Variants in PIBF1 observed in about 807,000 individuals in gnomAD.
PIBF1 encodes the protein progesterone-induced-blocking factor 1.
A neutral mutation model predicts 112.5 loss-of-function variants in PIBF1; 90 were observed. The observed-to-expected ratio is 0.80, with a 90% CI of 0.67 to 0.95. The LOEUF (loss-of-function observed/expected upper bound fraction) is 0.95. PIBF1 is among the 40% of genes least tolerant of loss of function. The pLI is 0.00. For missense variants in PIBF1, 915 were observed against 852.3 expected, an observed-to-expected ratio of 1.07 and a Z score of -0.92; for synonymous variants, 301 against 288.6, an observed-to-expected ratio of 1.04 and a Z score of -0.44.
At chr13:72,893,213 G>A (rs1399881252) in intron 10 of PIBF1, among the ~76,000 whole-genome samples, 1 of 152,102 alleles carries the variant, frequency 6.6e-6, no homozygotes, top group Non-Finnish European at 1.5e-5. Flanking sequence ...TATACCTATG[G>A]AATGAAGAGA....
intron 10 of PIBF1, among the ~76,000 whole-genome samples, chr13:72,860,311 GTGTGTGTGTGT>G (rs1566370279): frequency 2.8e-3 from 55 of 19,836 alleles, no homozygotes; most frequent in African/African-American, 0.024. Context: ...TTTTAGGGGT[GTGTGTGTGTGT>G]GTGTGTGTGT....
chr13:72,867,846 C>T (rs78277134), intron 10 of PIBF1, among the ~76,000 whole-genome samples: 1,797 of 152,242 alleles, frequency 0.012, 34 homozygotes, highest in African/African-American at 0.041. Flanking sequence ...ATTAGACAGT[C>T]GCATATCTAT....
chr13:72,883,787 C>T (rs2039736897), intron 10 of PIBF1, among the ~76,000 whole-genome samples: 1 of 152,164 alleles, frequency 6.6e-6, no homozygotes, highest in Admixed American at 6.5e-5. Context: ...CACGCCTGGC[C>T]TAATTGTACA....
In PIBF1 at chr13:72,893,847, A is replaced by G; in HGVS notation, c.1386A>G (p.Leu462=). The G allele has an allele frequency of 1.2e-6, 2 of 1,606,564 alleles. No homozygotes were observed. The highest frequency in any genetic ancestry group is 1.7e-6 in the Non-Finnish European group (2 of 1,175,940). The part of the protein sequence containing the change: ...KVTEFLHQSK[L]KSFESERVQL... ...CAGAATTTCTCCATCAAAGTAAATT[A>G]AAATCTTTTGAAAGTGAGCGTGTTC... Residue 462 remains leucine, a synonymous_variant, in exon 11 of 18, where the codon TTA becomes TTG. Coordinates refer to ENST00000326291, the MANE Select transcript of PIBF1 (RefSeq NM_006346.4).
chr13:72,826,979 T>A, intron 6 of PIBF1, 31 bp from the exon 7 acceptor site: 1 of 1,383,672 alleles, frequency 7.2e-7, no homozygotes, highest in Non-Finnish European at 1.0e-6. Flanking sequence ...GATGTAAAAT[T>A]TACATGTCTC....
At chr13:72,968,864 G>A (rs962510034) in intron 15 of PIBF1, among the ~76,000 whole-genome samples, 22 of 151,762 alleles carry the variant, frequency 1.4e-4, no homozygotes, top group African/African-American at 5.3e-4. Flanking sequence ...ACCATGTTTG[G>A]TTTTGTCTCT....
In PIBF1 at chr13:72,973,695, A is replaced by G. The variant is rs745803416; in HGVS notation, c.2049+20A>G. On this transcript the variant is annotated intron_variant, in intron 16 of 17. Coordinates refer to ENST00000326291, the MANE Select transcript of PIBF1 (RefSeq NM_006346.4). Reference sequence around the variant, plus strand: ...CGTGAGGTATTTTTCCTATTTTGTCATAATTGTAATCATTTTAGGCTTTTT... The same window carrying G: ...CGTGAGGTATTTTTCCTATTTTGTCGTAATTGTAATCATTTTAGGCTTTTT... The G allele has an allele frequency of 1.1e-5, 15 of 1,351,968 alleles. No homozygotes were observed. The East Asian group carries it at 3.1e-4, about 28-fold the overall frequency. The allele number at this position is 1,351,968 out of a possible 1,614,324, so 83.7% of individuals were successfully genotyped here. A position where few individuals can be genotyped will look rare whatever the true frequency, so the allele number is the denominator to read the frequency against.
intron 16 of PIBF1, among the ~76,000 whole-genome samples, chr13:72,989,899 T>C (rs76442668): frequency 0.014 from 2,108 of 152,098 alleles, 68 homozygotes; most frequent in African/African-American, 0.048. Flanking sequence ...CATTGAAAAT[T>C]TCCGTCATAA....
At chr13:72,833,771 A>G (rs902306817) in intron 8 of PIBF1, among the ~76,000 whole-genome samples, 2 of 152,186 alleles carry the variant, frequency 1.3e-5, no homozygotes, top group Non-Finnish European at 2.9e-5. Flanking sequence ...GCAGAGTTCA[A>G]ACGCTGTGCT....
At chr13:72,921,752 G>A (rs1254203101) in intron 13 of PIBF1, among the ~76,000 whole-genome samples, 3 of 152,094 alleles carry the variant, frequency 2.0e-5, no homozygotes, top group Admixed American at 6.5e-5. Context: ...ATGAGAAAAT[G>A]GATGTGAAGT....
chr13:72,812,772 C>T (rs1009662799), intron 5 of PIBF1, among the ~76,000 whole-genome samples: 17 of 151,040 alleles, frequency 1.1e-4, no homozygotes, highest in African/African-American at 3.9e-4. Context: ...GAGACCCTGT[C>T]TCAAAAAACT....
chr13:72,832,986 A>G (rs2037192256), intron 8 of PIBF1, among the ~76,000 whole-genome samples: 1 of 152,062 alleles, frequency 6.6e-6, no homozygotes, highest in South Asian at 2.1e-4. Flanking sequence ...TTTGTCTCTA[A>G]TCTTGTCTTC....
At chr13:72,826,798 G>T (rs2036832041) in intron 6 of PIBF1, among the ~76,000 whole-genome samples, 1 of 152,050 alleles carries the variant, frequency 6.6e-6, no homozygotes, top group African/African-American at 2.4e-5. Context: ...TTCCTTAAAG[G>T]TAATAAATTG....
chr13:72,876,016 G>A (rs2039380439), intron 10 of PIBF1, among the ~76,000 whole-genome samples: 1 of 151,558 alleles, frequency 6.6e-6, no homozygotes, highest in Non-Finnish European at 1.5e-5. Flanking sequence ...CCCAGACCAA[G>A]GTTATCTAGA....
At chr13:72,897,303 T>G (rs1375863180) in intron 11 of PIBF1, among the ~76,000 whole-genome samples, 1 of 152,102 alleles carries the variant, frequency 6.6e-6, no homozygotes, top group African/African-American at 2.4e-5. Context: ...TCAAAGGAGC[T>G]CTAAATCTTG....
At chr13:72,918,394 T>TA (rs1397162100) in intron 13 of PIBF1, among the ~76,000 whole-genome samples, 1 of 149,794 alleles carries the variant, frequency 6.7e-6, no homozygotes, top group African/African-American at 2.5e-5. Flanking sequence ...TTTTTTTTTT[T>TA]TTTTTTTTTT....
chr13:72,914,690 T>TCC (rs1264474672), intron 12 of PIBF1, among the ~76,000 whole-genome samples: 1 of 152,030 alleles, frequency 6.6e-6, no homozygotes, highest in Non-Finnish European at 1.5e-5. Context: ...CTCAAGTGAT[T>TCC]CCCCCTGCCT....
At chr13:73,007,600 G>A (rs1359501472) in intron 17 of PIBF1, among the ~76,000 whole-genome samples, 1 of 151,974 alleles carries the variant, frequency 6.6e-6, no homozygotes, top group African/African-American at 2.4e-5. Context: ...ACCTCAGGTC[G>A]AGAGTTCAAG....
intron 5 of PIBF1, among the ~76,000 whole-genome samples, chr13:72,819,737 A>G (rs970116579): frequency 2.2e-4 from 34 of 152,224 alleles, no homozygotes; most frequent in African/African-American, 8.2e-4. Flanking sequence ...TATTTGTTTT[A>G]GTCCCTAACA....
Sources: gnomAD v4.1 joint callset for allele counts (sites outside exome capture counted in the v4.1 genomes callset) on GRCh38, gnomAD v4.1.1 for gene constraint, MANE v1.5 for transcripts, NCBI Gene and HGNC (gene_info 2026-07-23, HGNC 2026-07-21) for gene names.